Variants in DNAH11 observed in about 807,000 individuals in gnomAD.
DNAH11 encodes the protein dynein axonemal heavy chain 11, also known as axonemal beta dynein heavy chain 11.
Under a neutral mutation model 526.0 loss-of-function variants are expected in DNAH11, and 442 were observed. That is an observed-to-expected ratio of 0.84 (90% CI 0.78 to 0.91). The LOEUF (loss-of-function observed/expected upper bound fraction) is 0.91, where lower values mean the gene tolerates loss of function less well. Ranked by LOEUF, DNAH11 falls within the 40% of genes least tolerant of loss-of-function variation. The pLI is 0.00. For missense variants in DNAH11, 6,989 were observed against 5,448.7 expected (o/e 1.28, Z -8.90); for synonymous variants, 2,461 against 1,935.9 (o/e 1.27, Z -7.12).
rs1162999388 is a variant in DNAH11 at position 21,737,133 on chromosome 7, G to T, written c.7645+1289G>T. Among the ~76,000 whole-genome samples the T allele has an allele frequency of 2.0e-5, 3 of 152,180 alleles. No individual in the cohort carries two copies. In the East Asian group the frequency reaches 5.8e-4, roughly 29 times the overall value. The stretch of plus-strand genomic sequence containing the variant: ...GAGAATTATGATTTCAAACATTTGA[G>T]CTGGGGCAACAAATGGGCAAAGAAG... On this transcript the variant is annotated intron_variant, in intron 46 of 81. Transcript: ENST00000409508.
chr7:21,690,918 C>T (rs1275498617), intron 35 of DNAH11, 37 bp downstream of exon 35: 1 of 1,437,738 alleles, frequency 7.0e-7, no homozygotes, highest in Non-Finnish European at 9.7e-7. Flanking sequence ...ATCTGGTGCA[C>T]TCATGCCACC....
At chr7:21,741,573 G>T (rs1197606289) in intron 48 of DNAH11, among the ~76,000 whole-genome samples, 3 of 152,250 alleles carry the variant, frequency 2.0e-5, no homozygotes, top group African/African-American at 7.2e-5. Context: ...ATCTGTGCAT[G>T]TTGGGGATAA....
At chr7:21,826,271 T>TGG (rs1790293799) in intron 65 of DNAH11, among the ~76,000 whole-genome samples, 1 of 152,054 alleles carries the variant, frequency 6.6e-6, no homozygotes, top group African/African-American at 2.4e-5. Context: ...GACTTTCTTA[T>TGG]TTCCTCATCT....
In DNAH11 at chr7:21,742,071, A is replaced by G. The variant is rs777290108; in HGVS notation, c.8059A>G (p.Ile2687Val). 44 of 1,613,976 alleles carry G rather than the reference A, an allele frequency of 2.7e-5. No homozygotes were observed. Among genetic ancestry groups the G allele is most frequent in the Non-Finnish European group, 3.6e-5 (42 of 1,179,856 alleles). The change falls in exon 49 of 82, where the codon ATA becomes GTA. Residue 2687 changes from isoleucine (I) to valine (V), a missense_variant. Ile to Val is a conservative substitution (Grantham distance 29). Transcript: ENST00000409508. The part of the protein sequence containing the change: ...RSGPTLIQAT[I>V]AFHQTMMCNF... Reference sequence around the variant, plus strand: ...TGGCCCCACTTTGATCCAGGCAACAATAGCATTCCATCAGACAATGATGTG... The same window carrying G: ...TGGCCCCACTTTGATCCAGGCAACAGTAGCATTCCATCAGACAATGATGTG...
chr7:21,895,667 A>G (rs756141137), intron 79 of DNAH11, among the ~76,000 whole-genome samples: 45 of 152,148 alleles, frequency 3.0e-4, no homozygotes, highest in Non-Finnish European at 5.4e-4. Context: ...ATGAACCTCA[A>G]CTATCCCTGT....
In DNAH11 at chr7:21,890,144, C is replaced by T. The variant is rs187845403; in HGVS notation, c.12508-2281C>T. Among the ~76,000 whole-genome samples the T allele has an allele frequency of 1.9e-4, 29 of 152,252 alleles. 1 individual carries two copies. The highest frequency in any genetic ancestry group is 7.0e-4 in the African/African-American group (29 of 41,530). ...ACAACCATTAGGTTGCTGTTATGAG[C>T]AATATTTTACTGATGAAAAGATTGA... On this transcript the variant is annotated intron_variant, in intron 76 of 81. Coordinates refer to ENST00000409508, the MANE Select transcript of DNAH11 (RefSeq NM_001277115.2).
At chr7:21,829,909 T>G (rs763870871) in intron 65 of DNAH11, among the ~76,000 whole-genome samples, 3 of 152,240 alleles carry the variant, frequency 2.0e-5, no homozygotes, top group Non-Finnish European at 2.9e-5. Flanking sequence ...AGAAGTACTT[T>G]GAAAACTAGC....
In DNAH11 at chr7:21,779,215, AATT is replaced by A. The variant is rs1282360066; in HGVS notation, c.9483+117_9483+119del. The A allele has an allele frequency of 6.8e-6, 9 of 1,324,014 alleles. No individual in the cohort carries two copies. In the African/African-American group the frequency reaches 1.2e-4, roughly 17 times the overall value. The allele number at this position is 1,324,014 out of a possible 1,614,324, so 82.0% of individuals were successfully genotyped here. On this transcript the variant is annotated intron_variant, in intron 57 of 81. Transcript: ENST00000409508. ...TCTCCAGGGAGCATAAAGTCTAAAG[AATT>A]ATTATAGTTACACATGTAACAGCAT...
intron 77 of DNAH11, among the ~76,000 whole-genome samples, chr7:21,893,551 G>A (rs1784403092): frequency 6.6e-6 from 1 of 152,212 alleles, no homozygotes; most frequent in Non-Finnish European, 1.5e-5. Context: ...AGTAGTCTGA[G>A]AAAGCAAGGA....
At chr7:21,857,331 A>G (rs934700023) in intron 68 of DNAH11, among the ~76,000 whole-genome samples, 1 of 152,200 alleles carries the variant, frequency 6.6e-6, no homozygotes, top group African/African-American at 2.4e-5. Context: ...TCCTAACTAA[A>G]TAGATACACC....
chr7:21,818,532 T>C (rs1436201653), intron 65 of DNAH11, among the ~76,000 whole-genome samples, 193 bp downstream of exon 65: 2 of 152,190 alleles, frequency 1.3e-5, no homozygotes, highest in African/African-American at 4.8e-5. Context: ...TTGATGGATT[T>C]AGATTTGTTT....
chr7:21,561,448 A>G (rs1323460519), intron 5 of DNAH11: 4 of 81,656 alleles, frequency 4.9e-5, no homozygotes, highest in African/African-American at 1.2e-4. Flanking sequence ...ATTCGGAGTT[A>G]AAAAAAAAAA....
chr7:21,680,712 A>G (rs1341901271), intron 30 of DNAH11, among the ~76,000 whole-genome samples: 2 of 152,196 alleles, frequency 1.3e-5, no homozygotes, highest in African/African-American at 4.8e-5. Flanking sequence ...ATATTTATCT[A>G]CGAGTTCGAC....
intron 54 of DNAH11, among the ~76,000 whole-genome samples, chr7:21,761,093 C>G (rs1361700013): frequency 6.6e-6 from 1 of 152,112 alleles, no homozygotes; most frequent in Non-Finnish European, 1.5e-5. Flanking sequence ...TCTGTAAAGT[C>G]GTGTAAACTG....
At chr7:21,697,962 A>G (rs1438014253) in intron 35 of DNAH11, 113 bp from the exon 36 acceptor site, 1 of 1,101,632 alleles carries the variant, frequency 9.1e-7, no homozygotes, top group African/African-American at 1.6e-5. Context: ...AGACATAATT[A>G]TGATCTGCTT....
At chr7:21,619,327 A>G in intron 24 of DNAH11, 105 bp downstream of exon 24, 1 of 1,348,242 alleles carries the variant, frequency 7.4e-7, no homozygotes, top group Non-Finnish European at 1.0e-6. Context: ...GCCTGGAGAG[A>G]TGAGTCCCAG....
intron 74 of DNAH11, among the ~76,000 whole-genome samples, chr7:21,875,426 GT>G (rs1022437330): frequency 2.6e-5 from 4 of 151,906 alleles, no homozygotes; most frequent in Non-Finnish European, 5.9e-5. Context: ...TGTTTGTTTT[GT>G]TTTTTTGGTA....
At chr7:21,697,434 T>G (rs1172658305) in intron 35 of DNAH11, among the ~76,000 whole-genome samples, 1 of 152,204 alleles carries the variant, frequency 6.6e-6, no homozygotes, top group Non-Finnish European at 1.5e-5. Context: ...TGTTCTGAGT[T>G]GGTTCTTTAG....
At chr7:21,745,188 T>C (rs1786090896) in intron 51 of DNAH11, 125 bp downstream of exon 51, 1 of 990,576 alleles carries the variant, frequency 1.0e-6, no homozygotes, top group Non-Finnish European at 1.4e-6. Context: ...GTTTGACATA[T>C]AATTTTAAAA....
Sources: gnomAD v4.1 joint callset for allele counts (sites outside exome capture counted in the v4.1 genomes callset) on GRCh38, gnomAD v4.1.1 for gene constraint, MANE v1.5 for transcripts, NCBI Gene and HGNC (gene_info 2026-07-23, HGNC 2026-07-21) for gene names.